The following PPFIA2 variants were observed in gnomAD, a reference collection of about 807,000 sequenced individuals.
The protein encoded by PPFIA2 is liprin-alpha-2.
Under a neutral mutation model 175.5 loss-of-function variants are expected in PPFIA2, and 46 were observed. That is an observed-to-expected ratio of 0.26 (90% CI 0.21 to 0.34). The LOEUF (loss-of-function observed/expected upper bound fraction) is 0.34. Among genes scored for constraint, PPFIA2 ranks in the 10% least tolerant of loss-of-function variants. The pLI, the probability that PPFIA2 is intolerant of heterozygous loss-of-function variation, is 1.00. For missense variants in PPFIA2, 1,179 were observed against 1,506.1 expected (o/e 0.78, Z 3.60); for synonymous variants, 568 against 511.4 (o/e 1.11, Z -1.49).
chr12:81,449,216 C>A (rs2051924369), intron 5 of PPFIA2, among the ~76,000 whole-genome samples: 1 of 152,150 alleles, frequency 6.6e-6, no homozygotes, highest in Non-Finnish European at 1.5e-5. Flanking sequence ...CTGATGGAGA[C>A]ACCACCATGG....
intron 4 of PPFIA2, among the ~76,000 whole-genome samples, chr12:81,656,725 T>C (rs1195541887): frequency 1.3e-5 from 2 of 151,840 alleles, no homozygotes; most frequent in Non-Finnish European, 2.9e-5. Context: ...ATAAATGATT[T>C]AGTTACTTTC....
At chr12:81,495,171 A>C (rs1011591494) in intron 4 of PPFIA2, among the ~76,000 whole-genome samples, 1 of 152,026 alleles carries the variant, frequency 6.6e-6, no homozygotes, top group Admixed American at 6.6e-5. Context: ...ATCATCCCCT[A>C]ACAGAAATTT....
chr12:81,484,776 C>A (rs966663198), intron 4 of PPFIA2, among the ~76,000 whole-genome samples: 1 of 151,708 alleles, frequency 6.6e-6, no homozygotes, highest in Non-Finnish European at 1.5e-5. Context: ...AATAGCATTG[C>A]TAATTTTAAA....
chr12:81,522,612 T>A (rs2063286150), intron 4 of PPFIA2, among the ~76,000 whole-genome samples: 1 of 152,232 alleles, frequency 6.6e-6, no homozygotes, highest in African/African-American at 2.4e-5. Context: ...TGCAAATATA[T>A]CTTTATAAAA....
intron 4 of PPFIA2, among the ~76,000 whole-genome samples, chr12:81,581,784 A>G (rs945815090): frequency 1.3e-5 from 2 of 151,786 alleles, no homozygotes; most frequent in Non-Finnish European, 2.9e-5. Context: ...GTTTTCTTTC[A>G]GTGTTTCTGT....
chr12:81,445,822 A>C, intron 5 of PPFIA2, 102 bp from the exon 6 acceptor site: 1 of 1,136,794 alleles, frequency 8.8e-7, no homozygotes, highest in Non-Finnish European at 1.2e-6. Flanking sequence ...ATAGTATCTA[A>C]TGTTAGCTGC....
At chr12:81,758,682 G>C in intron 1 of PPFIA2, 175 bp from the exon 2 acceptor site, 2 of 332,436 alleles carry the variant, frequency 6.0e-6, no homozygotes, top group South Asian at 4.6e-5. Context: ...GCTTTGGGAA[G>C]CAAAGCTCGG....
At chr12:81,358,867 GA>G (rs1323693446) in intron 15 of PPFIA2, among the ~76,000 whole-genome samples, 1 of 151,972 alleles carries the variant, frequency 6.6e-6, no homozygotes, top group African/African-American at 2.4e-5. Context: ...AAAGGATGAA[GA>G]AAAATCTTTT....
At chr12:81,381,960 C>G (rs140763919) in intron 9 of PPFIA2, among the ~76,000 whole-genome samples, 2 of 152,028 alleles carry the variant, frequency 1.3e-5, no homozygotes, top group African/African-American at 4.8e-5. Flanking sequence ...CTGAAGACAG[C>G]AGTGAACAAA....
intron 20 of PPFIA2, 129 bp from the exon 21 acceptor site, chr12:81,339,463 T>G: frequency 2.6e-6 from 2 of 783,864 alleles, no homozygotes; most frequent in Non-Finnish European, 3.5e-6. Flanking sequence ...TTTTCCCATG[T>G]TTCCTTTTAA....
At chr12:81,670,177 G>C (rs1007382514) in intron 4 of PPFIA2, among the ~76,000 whole-genome samples, 8 of 151,914 alleles carry the variant, frequency 5.3e-5, no homozygotes, top group African/African-American at 1.7e-4. Flanking sequence ...AGATATACAA[G>C]TGGACATGTC....
intron 4 of PPFIA2, among the ~76,000 whole-genome samples, chr12:81,640,954 G>T (rs1241999293): frequency 6.6e-6 from 1 of 152,020 alleles, no homozygotes; most frequent in Non-Finnish European, 1.5e-5. Flanking sequence ...AAGGGAATTG[G>T]TGATAAAATG....
chr12:81,674,995 A>T (rs1295492541), intron 4 of PPFIA2, among the ~76,000 whole-genome samples: 1 of 151,962 alleles, frequency 6.6e-6, no homozygotes, highest in Non-Finnish European at 1.5e-5. Context: ...TGCACTCTGA[A>T]ATGTTCATAA....
In PPFIA2 at chr12:81,712,728, A is replaced by AT. The variant is rs568877711; in HGVS notation, c.250-35885dup. Among the ~76,000 whole-genome samples the AT allele has an allele frequency of 5.9e-3, 859 of 145,660 alleles. 16 individuals carry two copies. Among genetic ancestry groups the AT allele is most frequent in the African/African-American group, 0.019 (747 of 40,164 alleles). On this transcript the variant is annotated intron_variant, in intron 3 of 32. Coordinates refer to ENST00000549396, the MANE Select transcript of PPFIA2 (RefSeq NM_003625.5). ...CTGACTCTAACAATAACATAAAAGGATTTTTTTTTTTAAGTGGGACATCAC... is the reference window on the plus strand; with the variant it reads ...CTGACTCTAACAATAACATAAAAGGATTTTTTTTTTTTAAGTGGGACATCAC...
intron 29 of PPFIA2, chr12:81,267,296 GTATTT>G (rs1287470407): frequency 2.1e-6 from 1 of 474,018 alleles, no homozygotes; most frequent in East Asian, 5.0e-5. Flanking sequence ...TTTCAATTGA[GTATTT>G]TGTTTAATCT....
At chr12:81,667,080 C>T (rs1188189441) in intron 4 of PPFIA2, among the ~76,000 whole-genome samples, 2 of 152,188 alleles carry the variant, frequency 1.3e-5, no homozygotes, top group East Asian at 3.9e-4. Context: ...AGCAGTTACC[C>T]TTTATCATCT....
At chr12:81,311,748 AAAAAG>A (rs1181168675) in intron 22 of PPFIA2, among the ~76,000 whole-genome samples, 32 of 146,476 alleles carry the variant, frequency 2.2e-4, no homozygotes, top group Non-Finnish European at 2.8e-4. Flanking sequence ...AAAAAAAAAA[AAAAAG>A]AAAGAAAGAA....
At chr12:81,472,075 T>G (rs955380539) in intron 4 of PPFIA2, among the ~76,000 whole-genome samples, 1 of 152,130 alleles carries the variant, frequency 6.6e-6, no homozygotes, top group African/African-American at 2.4e-5. Context: ...TTGAAAAATA[T>G]GCTAAGTTAA....
At chr12:81,540,939 G>A (rs888656355) in intron 4 of PPFIA2, among the ~76,000 whole-genome samples, 4 of 151,896 alleles carry the variant, frequency 2.6e-5, no homozygotes, top group Admixed American at 6.6e-5. Context: ...TGGTGCCTCC[G>A]CATTCCATTT....
Sources: allele counts gnomAD v4.1 joint callset (sites outside exome capture counted in the v4.1 genomes callset), GRCh38; gene constraint gnomAD v4.1.1; transcripts MANE v1.5; gene names NCBI Gene and HGNC (gene_info 2026-07-23, HGNC 2026-07-21).